Variants in KDM4B observed in about 807,000 individuals in gnomAD.
The protein encoded by KDM4B is lysine demethylase 4B.
KDM4B carries 32 observed loss-of-function variants against 125.2 expected under a neutral mutation model. That is an observed-to-expected ratio of 0.26 (90% CI 0.19 to 0.34). KDM4B has a LOEUF of 0.34. KDM4B is among the 10% of genes least tolerant of loss of function. The pLI is 1.00. For missense variants in KDM4B, 1,190 were observed against 1,577.7 expected, an observed-to-expected ratio of 0.75 and a Z score of 4.16; for synonymous variants, 721 against 677.9, an observed-to-expected ratio of 1.06 and a Z score of -0.99.
At chr19:5,026,090 G>T (rs958126074) in intron 2 of KDM4B, among the ~76,000 whole-genome samples, 52 of 151,602 alleles carry the variant, frequency 3.4e-4, no homozygotes, top group African/African-American at 1.2e-3. Flanking sequence ...CACCATGTTG[G>T]CCATGTCTTG....
chr19:5,110,902 C>A, intron 10 of KDM4B, 84 bp downstream of exon 10: 2 of 1,135,700 alleles, frequency 1.8e-6, no homozygotes, highest in Non-Finnish European at 2.4e-6. Context: ...TTCCCACTGG[C>A]AGGGGCTCCG....
At chr19:5,019,566 G>GCA (rs2036019577) in intron 2 of KDM4B, among the ~76,000 whole-genome samples, 1 of 149,552 alleles carries the variant, frequency 6.7e-6, no homozygotes, top group African/African-American at 2.5e-5. Flanking sequence ...GTATTGGTGT[G>GCA]GATGTTGGTG....
chr19:4,977,392 C>T (rs958850961), intron 1 of KDM4B, among the ~76,000 whole-genome samples: 10 of 152,218 alleles, frequency 6.6e-5, no homozygotes, highest in African/African-American at 1.2e-4. Context: ...CTGGTAGGCG[C>T]GACCACCGTT....
intron 6 of KDM4B, among the ~76,000 whole-genome samples, chr19:5,060,419 G>A (rs1041767526): frequency 2.6e-5 from 3 of 113,232 alleles, no homozygotes; most frequent in African/African-American, 9.3e-5. Context: ...GGTGACGGAG[G>A]AAGACTCTGT....
chr19:5,071,891 G>A (rs143004757), intron 7 of KDM4B, among the ~76,000 whole-genome samples: 2 of 152,342 alleles, frequency 1.3e-5, no homozygotes, highest in Non-Finnish European at 2.9e-5. Context: ...CCTCCCTCCC[G>A]CTGGTCCATT....
Position 4,981,313 on chromosome 19 carries a change from C to T in KDM4B, c.-109+12083C>T, listed in dbSNP as rs549324874. On this transcript the variant is annotated intron_variant, in intron 1 of 22. Transcript: ENST00000159111. ...AGGGCCCGACGGCTGTCCTGTCCCCCTCGTCCTGTTTTTGGTGTCACCCCG... is the reference window on the plus strand; with the variant it reads ...AGGGCCCGACGGCTGTCCTGTCCCCTTCGTCCTGTTTTTGGTGTCACCCCG... Among the ~76,000 whole-genome samples, 4 of 152,254 alleles carry T rather than the reference C, an allele frequency of 2.6e-5. No homozygotes were observed. In the South Asian group the frequency reaches 8.3e-4, roughly 32 times the overall value.
chr19:5,128,210 G>A (rs377562979), intron 11 of KDM4B, among the ~76,000 whole-genome samples: 2 of 152,254 alleles, frequency 1.3e-5, no homozygotes, highest in South Asian at 2.1e-4. Context: ...GTGGGTGGGG[G>A]TGCCGGCTGG....
chr19:4,976,299 T>A (rs2034443510), intron 1 of KDM4B, among the ~76,000 whole-genome samples: 1 of 148,580 alleles, frequency 6.7e-6, no homozygotes, highest in African/African-American at 2.5e-5. Flanking sequence ...TCCTTAAAAC[T>A]GCAGGAATGT....
chr19:5,023,480 C>G (rs2036185311), intron 2 of KDM4B, among the ~76,000 whole-genome samples: 1 of 152,198 alleles, frequency 6.6e-6, no homozygotes, highest in African/African-American at 2.4e-5. Flanking sequence ...GCGGGTTCCT[C>G]CTGGGCCTTC....
rs938280744 is a variant in KDM4B at position 4,971,158 on chromosome 19, T to G, written c.-109+1928T>G. On this transcript the variant is annotated intron_variant, in intron 1 of 22. Coordinates refer to ENST00000159111, the MANE Select transcript of KDM4B (RefSeq NM_015015.3). This position sits in a 1 kb window ranked among gnomAD's most constrained non-coding sequence, Gnocchi z 4.1. ...TCCGTTTGCTCGCATTTTCTAACCC[T>G]TTCCTCTTTGGGGAGGGGGCTGCTA... 6.6e-6 allele frequency among the ~76,000 whole-genome samples: 1 copy of G among 152,198 alleles called. No homozygotes were observed. Among genetic ancestry groups the G allele is most frequent in the African/African-American group, 2.4e-5 (1 of 41,458 alleles).
intron 2 of KDM4B, among the ~76,000 whole-genome samples, chr19:5,022,457 C>T (rs2036153861): frequency 6.6e-6 from 1 of 152,126 alleles, no homozygotes; most frequent in South Asian, 2.1e-4. Context: ...ACACTTAGGC[C>T]TGAGTGTCTG....
chr19:5,143,450 G>A (rs1431038057), intron 18 of KDM4B, among the ~76,000 whole-genome samples: 1 of 152,098 alleles, frequency 6.6e-6, no homozygotes, highest in African/African-American at 2.4e-5. Flanking sequence ...CATGAAGAAT[G>A]GGCCCCATTA....
Position 5,008,055 on chromosome 19 carries a change from C to T in KDM4B, c.-108-8202C>T, listed in dbSNP as rs1012506856. On this transcript the variant is annotated intron_variant, in intron 1 of 22. Transcript: ENST00000159111. ...CTTTGGAAGGGTGGGTTGGGAGGAT[C>T]GTTTGAGGCCAGGAGTTTGAGACCA... 3.9e-5 allele frequency among the ~76,000 whole-genome samples: 6 copies of T among 152,052 alleles called. No individual in the cohort carries two copies. The East Asian group carries it at 5.8e-4, about 15-fold the overall frequency.
At chr19:5,110,218 C>G (rs951417280) in intron 9 of KDM4B, among the ~76,000 whole-genome samples, 3 of 152,218 alleles carry the variant, frequency 2.0e-5, no homozygotes, top group African/African-American at 7.2e-5. Context: ...CACCTGTAAT[C>G]CCAGGGTTTT....
intron 1 of KDM4B, among the ~76,000 whole-genome samples, chr19:4,975,753 C>T (rs976387573): frequency 9.2e-5 from 14 of 151,544 alleles, no homozygotes; most frequent in South Asian, 8.4e-4. Context: ...CCACCACGCT[C>T]GACTAATTTT....
At chr19:5,135,968 G>T (rs560851999) in intron 15 of KDM4B, among the ~76,000 whole-genome samples, 3 of 152,374 alleles carry the variant, frequency 2.0e-5, no homozygotes, top group African/African-American at 7.2e-5. Flanking sequence ...ACACCCAGAA[G>T]CTCACCCTAG....
At chr19:5,030,503 G>T (rs1054111974) in intron 2 of KDM4B, among the ~76,000 whole-genome samples, 2 of 152,222 alleles carry the variant, frequency 1.3e-5, no homozygotes, top group African/African-American at 4.8e-5. Context: ...CTTACTTGAG[G>T]GCTTCCTGGG....
chr19:4,991,379 A>G (rs2035027265), intron 1 of KDM4B, among the ~76,000 whole-genome samples: 1 of 151,928 alleles, frequency 6.6e-6, no homozygotes, highest in Admixed American at 6.6e-5. Flanking sequence ...TTTGGGAGGC[A>G]GAGGTGGGAG....
chr19:5,050,298 C>T (rs1402923661), intron 6 of KDM4B, among the ~76,000 whole-genome samples: 1 of 152,252 alleles, frequency 6.6e-6, no homozygotes, highest in Non-Finnish European at 1.5e-5. Flanking sequence ...AAAAGGCTGG[C>T]TTCTGTGGTG....
Sources: gnomAD v4.1 joint callset for allele counts (sites outside exome capture counted in the v4.1 genomes callset) on GRCh38, gnomAD v4.1.1 for gene constraint, Gnocchi (gnomAD v3.1) non-coding constraint, MANE v1.5 for transcripts, NCBI Gene and HGNC (gene_info 2026-07-23, HGNC 2026-07-21) for gene names.